ADAMTS14: variants seen among roughly 807,000 people sequenced by gnomAD.
ADAMTS14 encodes the protein ADAM metallopeptidase with thrombospondin type 1 motif 14, also known as A disintegrin and metalloproteinase with thrombospondin motifs 14.
ADAMTS14 carries 100 observed loss-of-function variants against 128.6 expected under a neutral mutation model. The observed-to-expected ratio is 0.78, with a 90% CI of 0.66 to 0.92. The LOEUF (loss-of-function observed/expected upper bound fraction) is 0.92. Among genes scored for constraint, ADAMTS14 ranks in the 40% least tolerant of loss-of-function variants. The probability of loss-of-function intolerance (pLI) is 0.00; values close to 1 mark genes in which losing one functional copy is unlikely to be tolerated. For missense variants in ADAMTS14, 1,562 were observed against 1,658.6 expected, an observed-to-expected ratio of 0.94 and a Z score of 1.01; for synonymous variants, 665 against 653.8, an observed-to-expected ratio of 1.02 and a Z score of -0.26.
rs553514052 is a variant in ADAMTS14, at chr10:70,749,727, A to G, written c.2264-95A>G. ...GAAAGGCCGGTGGACAGGAGCCCAGAAGGCTCACTGGGAAGGCCTTGAATT... is the reference window on the plus strand; with the variant it reads ...GAAAGGCCGGTGGACAGGAGCCCAGGAGGCTCACTGGGAAGGCCTTGAATT... On this transcript the variant is annotated intron_variant, in intron 15 of 21. Coordinates refer to ENST00000373207, the MANE Select transcript of ADAMTS14 (RefSeq NM_080722.4). 5.6e-5 allele frequency: 81 copies of G among 1,436,912 alleles called. No individual in the cohort carries two copies. In the African/African-American group the frequency reaches 1.1e-3, roughly 19 times the overall value. The allele number at this position is 1,436,912 out of a possible 1,614,324, so 89.0% of individuals were successfully genotyped here.
At chr10:70,730,564 C>A (rs1841604818) in intron 6 of ADAMTS14, among the ~76,000 whole-genome samples, 1 of 152,204 alleles carries the variant, frequency 6.6e-6, no homozygotes, top group Admixed American at 6.5e-5. Flanking sequence ...ATGCTTCTCT[C>A]CACACTGTGT....
chr10:70,747,746 G>C (rs1461341525), intron 15 of ADAMTS14, among the ~76,000 whole-genome samples: 1 of 152,232 alleles, frequency 6.6e-6, no homozygotes, highest in East Asian at 1.9e-4. Flanking sequence ...GTTTTCCGGG[G>C]AGCCTGGTGG....
intron 9 of ADAMTS14, 41 bp downstream of exon 9, chr10:70,735,342 G>C (rs1041357648): frequency 1.9e-6 from 3 of 1,606,652 alleles, no homozygotes; most frequent in East Asian, 2.2e-5. Flanking sequence ...TTGGGGGCCA[G>C]GGCAGTGTCC....
At chr10:70,680,784 G>C (rs1839778906) in intron 2 of ADAMTS14, among the ~76,000 whole-genome samples, 1 of 152,132 alleles carries the variant, frequency 6.6e-6, no homozygotes, top group African/African-American at 2.4e-5. Context: ...TGGGACTACA[G>C]GCGTGCACCA....
At position 70,735,298 on chromosome 10, in the gene ADAMTS14, G is replaced by A; in HGVS notation, c.1482G>A (p.Leu494=). The A allele has an allele frequency of 6.2e-7, 1 of 1,613,764 alleles. No individual in the cohort carries two copies. ...FDFGSGYQTC[L]AFRTFEPCKQ... is the part of the protein sequence containing the mutation. ...TTGGCAGTGGCTACCAGACCTGCTTGGCAGTAAGTAGCCATCTGGCCTCTG... is the reference window on the plus strand; with the variant it reads ...TTGGCAGTGGCTACCAGACCTGCTTAGCAGTAAGTAGCCATCTGGCCTCTG... Residue 494 remains leucine, a synonymous_variant, in exon 9 of 22, where the codon TTG becomes TTA. Coordinates refer to ENST00000373207, the MANE Select transcript of ADAMTS14 (RefSeq NM_080722.4).
rs140161964 is a variant in ADAMTS14, at chr10:70,743,648, C to T, written c.2025C>T (p.Asp675=). Residue 675 remains aspartate, a synonymous_variant, in exon 13 of 22, where the codon GAC becomes GAT. Transcript: ENST00000373207. ...ATGGGACACGCTGCAGCTACCGGGA[C>T]CCATACAGCGTCTGTGCGCGTGGCG... ...VHDGTRCSYR[D]PYSVCARGEC... is the part of the protein sequence containing the mutation. The T allele has an allele frequency of 1.1e-5, 18 of 1,609,734 alleles. No individual in the cohort carries two copies. The African/African-American group carries it at 2.0e-4, about 18-fold the overall frequency.
At chr10:70,748,307 G>A (rs1198572673) in intron 15 of ADAMTS14, among the ~76,000 whole-genome samples, 1 of 152,132 alleles carries the variant, frequency 6.6e-6, no homozygotes, top group Non-Finnish European at 1.5e-5. Flanking sequence ...TCAGGGCTCT[G>A]CTACAGTGAG....
At position 70,745,712 on chromosome 10, in the gene ADAMTS14, G is replaced by C. The variant is rs184171480; in HGVS notation, c.2263+406G>C. ...TGGCTTCAAACAAGAATAATTCTTA[G>C]CTCACGGTCCTATGGGTCATCAGTT... On this transcript the variant is annotated intron_variant, in intron 15 of 21. Coordinates refer to ENST00000373207, the MANE Select transcript of ADAMTS14 (RefSeq NM_080722.4). 3.9e-5 allele frequency among the ~76,000 whole-genome samples: 6 copies of C among 152,302 alleles called. No homozygotes were observed. In the East Asian group the frequency reaches 1.2e-3, roughly 29 times the overall value.
chr10:70,684,873 G>A (rs1564518922), intron 2 of ADAMTS14, among the ~76,000 whole-genome samples: 1 of 150,130 alleles, frequency 6.7e-6, no homozygotes, highest in Non-Finnish European at 1.5e-5. Context: ...CTGGGTCCTG[G>A]GTGGTTTTCC....
chr10:70,712,715 G>C lies in ADAMTS14; in HGVS notation c.870+3937G>C, dbSNP rs7894816. On this transcript the variant is annotated intron_variant, in intron 4 of 21. Transcript: ENST00000373207. ...TCTCTGCTGTAAGGGCACTTTCTCT[G>C]CATCCGATTCCGATAAGGGGGAAAG... Among the ~76,000 whole-genome samples, 562 of 152,298 alleles carry C rather than the reference G, an allele frequency of 3.7e-3. 4 individuals are homozygous for C. Among genetic ancestry groups the C allele is most frequent in the African/African-American group, 8.4e-3 (350 of 41,570 alleles).
chr10:70,719,598 A>C (rs1841184389), intron 4 of ADAMTS14, among the ~76,000 whole-genome samples: 1 of 152,016 alleles, frequency 6.6e-6, no homozygotes, highest in Non-Finnish European at 1.5e-5. Flanking sequence ...AAAATAGACA[A>C]GGTCTCACTA....
At chr10:70,706,408 A>G (rs932168706) in intron 3 of ADAMTS14, among the ~76,000 whole-genome samples, 3 of 152,204 alleles carry the variant, frequency 2.0e-5, no homozygotes, top group Non-Finnish European at 4.4e-5. Flanking sequence ...CGCAGGGCTT[A>G]CACTTCTGAG....
At chr10:70,732,396 T>G (rs1841673061) in intron 7 of ADAMTS14, 37 bp downstream of exon 7, 1 of 1,551,892 alleles carries the variant, frequency 6.4e-7, no homozygotes, top group African/African-American at 1.4e-5. Context: ...GACTGGCAGC[T>G]GTGCCGTGAG....
At chr10:70,712,278 C>A (rs1429503055) in intron 4 of ADAMTS14, among the ~76,000 whole-genome samples, 1 of 152,110 alleles carries the variant, frequency 6.6e-6, no homozygotes, top group Non-Finnish European at 1.5e-5. Context: ...GTAGGGGAGA[C>A]CTCAGGATGC....
intron 17 of ADAMTS14, among the ~76,000 whole-genome samples, 180 bp from the exon 18 acceptor site, chr10:70,751,915 C>G (rs1307820495): frequency 2.0e-5 from 3 of 152,210 alleles, no homozygotes; most frequent in Admixed American, 2.0e-4. Flanking sequence ...ACCTTCTTAC[C>G]AGCGAGATGG....
At chr10:70,742,210 C>G (rs376025284) in intron 12 of ADAMTS14, among the ~76,000 whole-genome samples, 7 of 152,254 alleles carry the variant, frequency 4.6e-5, no homozygotes, top group Middle Eastern at 3.4e-3. Flanking sequence ...CTGTTGCTGC[C>G]CAGAGAGCTT....
At chr10:70,726,613 C>G (rs1296036614) in intron 4 of ADAMTS14, among the ~76,000 whole-genome samples, 1 of 152,174 alleles carries the variant, frequency 6.6e-6, no homozygotes, top group African/African-American at 2.4e-5. Context: ...ACTTACCCAC[C>G]CCAGTACAGA....
At position 70,730,201 on chromosome 10, in the gene ADAMTS14, C is replaced by T; in HGVS notation, c.1054C>T (p.His352Tyr). ...QQRQDPSHAE[H>Y]HDHVVFLTRQ... ...GCGCCAGGACCCCAGCCACGCTGAG[C>T]ACCATGACCACGTTGTGTTCCTCAC... Residue 352 changes from histidine (H) to tyrosine (Y), a missense_variant, in exon 6 of 22, where the codon CAC becomes TAC. By Grantham distance (83) the His-to-Tyr change is moderately conservative. Transcript: ENST00000373207. 6.2e-7 allele frequency: 1 copy of T among 1,614,078 alleles called. No homozygotes were observed. Among genetic ancestry groups the T allele is most frequent in the Non-Finnish European group, 8.5e-7 (1 of 1,180,020 alleles).
Position 70,694,584 on chromosome 10 carries a change from T to C in ADAMTS14, c.523-7728T>C, listed in dbSNP as rs113268506. The stretch of plus-strand genomic sequence containing the variant: ...CGAATCTACTTTCTATCTCTGTGGA[T>C]TTGCCTATTCTATTTGTTTGAAGAC... On this transcript the variant is annotated intron_variant, in intron 2 of 21. Transcript: ENST00000373207. Among the ~76,000 whole-genome samples, 402 of 152,302 alleles carry C rather than the reference T, an allele frequency of 2.6e-3. 2 individuals carry two copies. Among genetic ancestry groups the C allele is most frequent in the African/African-American group, 9.3e-3 (385 of 41,550 alleles).
Sources: gnomAD v4.1 joint callset for allele counts (sites outside exome capture counted in the v4.1 genomes callset) on GRCh38, gnomAD v4.1.1 for gene constraint, MANE v1.5 for transcripts, NCBI Gene and HGNC (gene_info 2026-07-23, HGNC 2026-07-21) for gene names.